Variants in CWF19L2 observed in about 807,000 individuals in gnomAD.
The protein encoded by CWF19L2 is CWF19-like protein 2.
In CWF19L2, 98 loss-of-function variants were observed where a neutral mutation model predicts 111.7. The observed-to-expected ratio is 0.88, with a 90% CI of 0.75 to 1.04. The LOEUF is 1.04. Among genes scored for constraint, CWF19L2 ranks in the 50% least tolerant of loss-of-function variants. The pLI, the probability that CWF19L2 is intolerant of heterozygous loss-of-function variation, is 0.00. For synonymous variants in CWF19L2, 351 were observed against 342.9 expected (o/e 1.02, Z -0.26); for missense variants, 1,101 against 1,051.4 (o/e 1.05, Z -0.65).
rs1158786239 is a variant in CWF19L2, at chr11:107,369,739, A to G, written c.1873-16003T>C. Among the ~76,000 whole-genome samples the G allele has an allele frequency of 2.2e-5, 3 of 138,608 alleles. 1 individual carries two copies. Among genetic ancestry groups the G allele is most frequent in the Non-Finnish European group, 4.7e-5 (3 of 64,400 alleles). The allele number at this position is 138,608 out of a possible 152,430, so 90.9% of individuals were successfully genotyped here. On this transcript the variant is annotated intron_variant, in intron 12 of 17. Transcript: ENST00000282251. ...TGATTCCAACAAGAAATTATTTTTCAAAGTGGAACTAGAGCCAACTGCCAA... is the reference window on the plus strand; with the variant it reads ...TGATTCCAACAAGAAATTATTTTTCGAAGTGGAACTAGAGCCAACTGCCAA...
intron 12 of CWF19L2, among the ~76,000 whole-genome samples, chr11:107,371,236 C>CTCGTG (rs1425343423): frequency 7.3e-6 from 1 of 136,780 alleles, no homozygotes; most frequent in East Asian, 2.1e-4. Context: ...ACCTCCTGAC[C>CTCGTG]TCGTGATCTG....
At chr11:107,442,783 GA>G (rs1861641671) in intron 4 of CWF19L2, among the ~76,000 whole-genome samples, 155 bp downstream of exon 4, 1 of 52,656 alleles carries the variant, frequency 1.9e-5, no homozygotes, top group African/African-American at 1.2e-4. Flanking sequence ...AGGAAGGAAG[GA>G]AGGAAGGAAG....
chr11:107,361,831 C>T lies in CWF19L2; in HGVS notation c.1873-8095G>A, dbSNP rs182841312. Among the ~76,000 whole-genome samples the T allele has an allele frequency of 2.0e-5, 3 of 152,214 alleles. No individual in the cohort carries two copies. In the East Asian group the frequency reaches 5.8e-4, roughly 29 times the overall value. On this transcript the variant is annotated intron_variant, in intron 12 of 17. Transcript: ENST00000282251. ...ATGTTGGGGGAGGAGCCAAGATGGC[C>T]GAACAGGAAGAGCTCTGGTCTACAG...
chr11:107,384,571 T>G (rs1860737561), intron 12 of CWF19L2, among the ~76,000 whole-genome samples: 1 of 152,224 alleles, frequency 6.6e-6, no homozygotes. Context: ...ACATTTGCAT[T>G]GAAGATTTTA....
At chr11:107,375,479 G>T (rs1276319602) in intron 12 of CWF19L2, among the ~76,000 whole-genome samples, 1 of 138,100 alleles carries the variant, frequency 7.2e-6, no homozygotes, top group Non-Finnish European at 1.6e-5. Context: ...ACTCAAAACC[G>T]CTCAACTACA....
intron 12 of CWF19L2, among the ~76,000 whole-genome samples, chr11:107,363,528 A>C (rs1032724472): frequency 6.7e-6 from 1 of 148,758 alleles, no homozygotes; most frequent in Admixed American, 6.7e-5. Flanking sequence ...CAACATTCTT[A>C]AAGAAAAGAA....
At chr11:107,457,644 G>A (rs1036662968) in intron 1 of CWF19L2, 68 bp downstream of exon 1, 7 of 1,159,306 alleles carry the variant, frequency 6.0e-6, no homozygotes, top group East Asian at 2.6e-5. Flanking sequence ...GGGGTGAGTG[G>A]GCTAGCTTAC....
chr11:107,398,399 T>C (rs1860953715), intron 10 of CWF19L2, among the ~76,000 whole-genome samples: 1 of 152,088 alleles, frequency 6.6e-6, no homozygotes, highest in Admixed American at 6.5e-5. Flanking sequence ...GTGGAAAGTC[T>C]CAACAACAAA....
chr11:107,455,785 A>G lies in CWF19L2; in HGVS notation c.106-9T>C, dbSNP rs1192881471. ...TCAAAATTGGCTTTAGCCTACAACC[A>G]AAGAAAAAAAAAAGACAAACTGGCA... On this transcript the variant is annotated splice_polypyrimidine_tract_variant and intron_variant, in intron 1 of 17. Transcript: ENST00000282251. 6.6e-7 allele frequency: 1 copy of G among 1,514,242 alleles called. No individual in the cohort carries two copies. Among genetic ancestry groups the G allele is most frequent in the Non-Finnish European group, 8.9e-7 (1 of 1,122,676 alleles). 93.8% of individuals were successfully genotyped at this position (1,514,242 alleles called of 1,614,324 possible).
At position 107,429,195 on chromosome 11, in the gene CWF19L2, G is replaced by A. The variant is rs753820773; in HGVS notation, c.1037C>T (p.Thr346Met). The change falls in exon 8 of 18, where the codon ACG becomes ATG. Residue 346 changes from threonine to methionine, a missense_variant. Thr to Met is a moderately conservative substitution (Grantham distance 81, BLOSUM62 -1). Transcript: ENST00000282251. ...CCTTGGGTTAGATTCTCTTCTACAC[G>A]TTTCTAAAGACCCAGGTCTCTTATC... is the stretch of plus-strand genomic sequence containing the variant. Reference protein sequence around the residue: ...EKDKRPGSLETCRRESNPRQN... With the variant: ...EKDKRPGSLEMCRRESNPRQN... 1.8e-5 allele frequency: 29 copies of A among 1,613,422 alleles called. No homozygotes were observed. The highest frequency in any genetic ancestry group is 2.3e-5 in the Non-Finnish European group (27 of 1,179,754).
At chr11:107,371,505 A>AT (rs5794544) in intron 12 of CWF19L2, among the ~76,000 whole-genome samples, 104,461 of 135,042 alleles carry the variant, frequency 0.77, 44,918 homozygotes, top group African/African-American at 0.92. Context: ...TTACAGACTG[A>AT]TTTTTTAAAG....
chr11:107,328,582 A>C (rs1313315306), intron 17 of CWF19L2, among the ~76,000 whole-genome samples: 3 of 152,194 alleles, frequency 2.0e-5, no homozygotes, highest in Non-Finnish European at 1.5e-5. Flanking sequence ...TGACAGAGAA[A>C]ATTTACTTTT....
chr11:107,337,082 A>G (rs1376898103), intron 14 of CWF19L2, among the ~76,000 whole-genome samples: 1 of 152,234 alleles, frequency 6.6e-6, no homozygotes, highest in South Asian at 2.1e-4. Context: ...AGATACTCTG[A>G]GCAGATGGGC....
At chr11:107,347,143 A>G (rs1565246755) in intron 14 of CWF19L2, among the ~76,000 whole-genome samples, 1 of 152,228 alleles carries the variant, frequency 6.6e-6, no homozygotes, top group Admixed American at 6.5e-5. Context: ...AAACAAAACC[A>G]GCAATTTGGA....
chr11:107,395,137 C>A (rs74671189), intron 10 of CWF19L2, among the ~76,000 whole-genome samples: 2,658 of 152,224 alleles, frequency 0.017, 59 homozygotes, highest in African/African-American at 0.059. Flanking sequence ...TGGGAGATGA[C>A]TGAATCATGG....
intron 6 of CWF19L2, among the ~76,000 whole-genome samples, 172 bp from the exon 7 acceptor site, chr11:107,433,921 T>TATATATATA (rs1861504255): frequency 1.4e-5 from 2 of 140,250 alleles, no homozygotes; most frequent in South Asian, 2.3e-4. Context: ...TATATATATA[T>TATATATATA]TTCAGTGCCT....
intron 7 of CWF19L2, among the ~76,000 whole-genome samples, chr11:107,430,380 A>C (rs1275377688): frequency 6.6e-6 from 1 of 152,130 alleles, no homozygotes; most frequent in East Asian, 1.9e-4. Context: ...AAATTTTGAA[A>C]ACAAAATTAA....
intron 6 of CWF19L2, among the ~76,000 whole-genome samples, chr11:107,438,272 C>G (rs1376434095): frequency 6.6e-6 from 1 of 152,090 alleles, no homozygotes; most frequent in African/African-American, 2.4e-5. Flanking sequence ...GGTGTCAGCA[C>G]AACACTTAAT....
At chr11:107,430,793 T>C (rs1414586957) in intron 7 of CWF19L2, among the ~76,000 whole-genome samples, 1 of 151,982 alleles carries the variant, frequency 6.6e-6, no homozygotes, top group African/African-American at 2.4e-5. Context: ...GGAGATACGA[T>C]GTACAGTATG....
Sources: gnomAD v4.1 joint callset for allele counts (sites outside exome capture counted in the v4.1 genomes callset) on GRCh38, gnomAD v4.1.1 for gene constraint, MANE v1.5 for transcripts, NCBI Gene and HGNC (gene_info 2026-07-23, HGNC 2026-07-21) for gene names.